GRID1: variants seen among roughly 807,000 people sequenced by gnomAD.
The protein encoded by GRID1 is glutamate ionotropic receptor delta type subunit 1, also known as glutamate receptor ionotropic, delta-1.
Under a neutral mutation model 98.0 loss-of-function variants are expected in GRID1, and 28 were observed. The ratio of observed to expected loss-of-function variants is 0.29; its 90% CI spans 0.21 to 0.39. The LOEUF (loss-of-function observed/expected upper bound fraction) is 0.39, where lower values mean the gene tolerates loss of function less well. GRID1 is among the 10% of genes least tolerant of loss of function. The probability of loss-of-function intolerance (pLI) is 1.00; values close to 1 mark genes in which losing one functional copy is unlikely to be tolerated. For missense variants in GRID1, 1,111 were observed against 1,340.5 expected (o/e 0.83, Z 2.67); for synonymous variants, 553 against 538.5 (o/e 1.03, Z -0.37).
chr10:86,226,140 C>T (rs1403239876), intron 2 of GRID1, among the ~76,000 whole-genome samples: 1 of 152,026 alleles, frequency 6.6e-6, no homozygotes, highest in Non-Finnish European at 1.5e-5. Flanking sequence ...CCCGGAAGAC[C>T]TCAGAGCCAC....
In GRID1 at chr10:85,819,217, T is replaced by C. The variant is rs528226909; in HGVS notation, c.1233+35279A>G. On this transcript the variant is annotated intron_variant, in intron 8 of 15. Coordinates refer to ENST00000327946, the MANE Select transcript of GRID1 (RefSeq NM_017551.3). Reference sequence around the variant, plus strand: ...CAAAAAGCACAACAGCAACAATTGCTGCATGCAGGATTCGCTGATAAACGC... The same window carrying C: ...CAAAAAGCACAACAGCAACAATTGCCGCATGCAGGATTCGCTGATAAACGC... Among the ~76,000 whole-genome samples, 16 of 152,318 alleles carry C rather than the reference T, an allele frequency of 1.1e-4. No individual in the cohort carries two copies. In the South Asian group the frequency reaches 3.3e-3, roughly 32 times the overall value.
chr10:85,607,033 T>C (rs1842675829), intron 15 of GRID1: 1 of 152,152 alleles, frequency 6.6e-6, no homozygotes, highest in African/African-American at 2.4e-5. Flanking sequence ...CAGACTGTGT[T>C]TACCCGTGAA....
Position 86,004,740 on chromosome 10 carries a change from T to TCACACACACA in GRID1, c.727-88511_727-88502dup, listed in dbSNP as rs201671134. 6.8e-3 allele frequency among the ~76,000 whole-genome samples: 637 copies of TCACACACACA among 94,346 alleles called. 19 individuals are homozygous for TCACACACACA. In the East Asian group the frequency reaches 0.15, roughly 21 times the overall value. 61.9% of individuals were successfully genotyped at this position (94,346 alleles called of 152,430 possible). The stretch of plus-strand genomic sequence containing the variant: ...TCTCTCTCTTTCTACACACACACAC[T>TCACACACACA]CACACACACACACACACAGACTTGA... On this transcript the variant is annotated intron_variant, in intron 4 of 15. Coordinates refer to ENST00000327946, the MANE Select transcript of GRID1 (RefSeq NM_017551.3).
At chr10:85,751,993 G>A (rs1842050823) in intron 8 of GRID1, among the ~76,000 whole-genome samples, 1 of 152,154 alleles carries the variant, frequency 6.6e-6, no homozygotes, top group Non-Finnish European at 1.5e-5. Context: ...AGCCTACTCT[G>A]ACTAGTCAGG....
chr10:86,261,014 G>A (rs541433414), intron 2 of GRID1, among the ~76,000 whole-genome samples: 2 of 152,350 alleles, frequency 1.3e-5, no homozygotes, highest in East Asian at 3.9e-4. Context: ...GAAAAAGCTG[G>A]GTGTGGGCTG....
chr10:85,912,461 G>A (rs1202523072), intron 5 of GRID1, among the ~76,000 whole-genome samples: 2 of 152,158 alleles, frequency 1.3e-5, no homozygotes, highest in South Asian at 2.1e-4. Context: ...AAAGAAAAGA[G>A]GGTAGATGTA....
chr10:86,121,219 C>T (rs1363885729), intron 4 of GRID1, among the ~76,000 whole-genome samples: 1 of 152,132 alleles, frequency 6.6e-6, no homozygotes, highest in Non-Finnish European at 1.5e-5. Context: ...ACCACATCTT[C>T]TCCTCCAGCC....
At chr10:85,897,674 T>G (rs1841312647) in intron 5 of GRID1, among the ~76,000 whole-genome samples, 1 of 152,244 alleles carries the variant, frequency 6.6e-6, no homozygotes, top group Admixed American at 6.5e-5. Context: ...GATATATGTA[T>G]ACATTGTGGA....
chr10:86,314,095 T>C (rs943398733), intron 2 of GRID1, among the ~76,000 whole-genome samples: 1 of 152,230 alleles, frequency 6.6e-6, no homozygotes, highest in South Asian at 2.1e-4. Context: ...TCTTTCTTTG[T>C]TAAGGGCAGA....
At chr10:86,037,355 T>C (rs1409051584) in intron 4 of GRID1, among the ~76,000 whole-genome samples, 1 of 152,186 alleles carries the variant, frequency 6.6e-6, no homozygotes, top group African/African-American at 2.4e-5. Context: ...GAATCCTCAC[T>C]GCCATCTAGC....
intron 8 of GRID1, among the ~76,000 whole-genome samples, chr10:85,779,285 A>G (rs1035233002): frequency 4.6e-5 from 7 of 152,138 alleles, no homozygotes; most frequent in East Asian, 1.9e-4. Flanking sequence ...ACAAGACTCA[A>G]TTTTTGTTCC....
At chr10:86,297,985 C>T (rs112903311) in intron 2 of GRID1, among the ~76,000 whole-genome samples, 11 of 152,288 alleles carry the variant, frequency 7.2e-5, no homozygotes, top group Non-Finnish European at 8.8e-5. Context: ...ATGATCTTTT[C>T]GAAAGCAATT....
At chr10:85,856,814 C>A (rs34572270) in intron 6 of GRID1, among the ~76,000 whole-genome samples, 4 of 152,282 alleles carry the variant, frequency 2.6e-5, no homozygotes, top group Admixed American at 2.6e-4. Flanking sequence ...CCACCGCTGG[C>A]GGATCCTTGG....
chr10:86,228,047 A>G (rs1438139983), intron 2 of GRID1, among the ~76,000 whole-genome samples: 1 of 151,740 alleles, frequency 6.6e-6, no homozygotes, highest in Non-Finnish European at 1.5e-5. Flanking sequence ...AAGATGGTTG[A>G]ATGCGTGGAT....
At chr10:86,033,891 G>A (rs1843219712) in intron 4 of GRID1, among the ~76,000 whole-genome samples, 1 of 152,238 alleles carries the variant, frequency 6.6e-6, no homozygotes, top group Non-Finnish European at 1.5e-5. Context: ...AAAGAAGGAT[G>A]CCAATCAGAG....
At chr10:85,816,328 G>A (rs1351034322) in intron 8 of GRID1, among the ~76,000 whole-genome samples, 1 of 152,142 alleles carries the variant, frequency 6.6e-6, no homozygotes, top group East Asian at 1.9e-4. Context: ...TCCAATGATG[G>A]AATACTATTT....
At chr10:86,307,247 A>G (rs528975020) in intron 2 of GRID1, among the ~76,000 whole-genome samples, 1 of 152,310 alleles carries the variant, frequency 6.6e-6, no homozygotes, top group South Asian at 2.1e-4. Context: ...TTGCACTCCC[A>G]TGTCCATTGC....
At chr10:85,703,554 T>C (rs964406688) in intron 12 of GRID1, among the ~76,000 whole-genome samples, 1 of 152,084 alleles carries the variant, frequency 6.6e-6, no homozygotes, top group Non-Finnish European at 1.5e-5. Context: ...AAAGGTATTT[T>C]AGTATTACCT....
At position 85,783,788 on chromosome 10, in the gene GRID1, T is replaced by C. The variant is rs567902890; in HGVS notation, c.1234-54174A>G. ...CTCTCATCCAGCATGGCCAGAATTG[T>C]TTTACTCCAAAAAAATATATAAAGC... On this transcript the variant is annotated intron_variant, in intron 8 of 15. Coordinates refer to ENST00000327946, the MANE Select transcript of GRID1 (RefSeq NM_017551.3). Among the ~76,000 whole-genome samples the C allele has an allele frequency of 1.9e-3, 293 of 152,218 alleles. 1 individual carries two copies. The highest frequency in any genetic ancestry group is 6.8e-3 in the Middle Eastern group (2 of 292).
Sources: gnomAD v4.1 joint callset for allele counts (sites outside exome capture counted in the v4.1 genomes callset) on GRCh38, gnomAD v4.1.1 for gene constraint, MANE v1.5 for transcripts, NCBI Gene and HGNC (gene_info 2026-07-23, HGNC 2026-07-21) for gene names.